Variants in SGSM1 observed in about 807,000 individuals in gnomAD.
SGSM1 encodes small G protein signaling modulator 1.
Under a neutral mutation model 133.8 loss-of-function variants are expected in SGSM1, and 73 were observed. That is an observed-to-expected ratio of 0.55 (90% CI 0.45 to 0.66). The LOEUF is 0.66. SGSM1 is among the 30% of genes least tolerant of loss of function. The pLI is 0.00. For missense variants in SGSM1, 1,213 were observed against 1,448.1 expected (o/e 0.84, Z 2.64); for synonymous variants, 563 against 573.0 (o/e 0.98, Z 0.25).
intron 5 of SGSM1, among the ~76,000 whole-genome samples, chr22:24,851,264 CCTGCTG>C (rs934155170): frequency 6.6e-6 from 1 of 151,990 alleles, no homozygotes; most frequent in Non-Finnish European, 1.5e-5. Context: ...TAAATGAGGA[CCTGCTG>C]TGTACTGGCA....
chr22:24,850,457 G>A (rs778289766), intron 5 of SGSM1, 25 bp downstream of exon 5: 2 of 1,610,484 alleles, frequency 1.2e-6, no homozygotes, highest in Admixed American at 1.7e-5. Context: ...CCTGACACCT[G>A]GCCATGCTCT....
intron 2 of SGSM1, among the ~76,000 whole-genome samples, chr22:24,834,157 A>G (rs1292051270): frequency 6.6e-6 from 1 of 152,256 alleles, no homozygotes; most frequent in Non-Finnish European, 1.5e-5. Flanking sequence ...CAGGATGGCT[A>G]CAACCTTAAG....
At chr22:24,837,597 C>T (rs1432895180) in intron 2 of SGSM1, among the ~76,000 whole-genome samples, 4 of 105,366 alleles carry the variant, frequency 3.8e-5, no homozygotes, top group African/African-American at 1.1e-4. Context: ...CCCCCTTTCC[C>T]AGTCTGCTAA....
chr22:24,852,809 G>T (rs533848317), intron 5 of SGSM1, among the ~76,000 whole-genome samples: 2 of 152,194 alleles, frequency 1.3e-5, no homozygotes, highest in East Asian at 1.9e-4. Flanking sequence ...GTTTTTGATC[G>T]TATAATTCTG....
At chr22:24,851,100 CAAAA>C (rs68153757) in intron 5 of SGSM1, among the ~76,000 whole-genome samples, 5 of 95,806 alleles carry the variant, frequency 5.2e-5, no homozygotes, top group East Asian at 6.0e-4. Context: ...GACTCCATCT[CAAAA>C]AAAAAAAAAA....
intron 20 of SGSM1, among the ~76,000 whole-genome samples, chr22:24,902,201 C>T (rs1395141906): frequency 2.6e-5 from 4 of 152,180 alleles, no homozygotes. Flanking sequence ...CTCAACCCGA[C>T]GAGGTATTAA....
chr22:24,883,200 G>A (rs374373641), intron 14 of SGSM1, among the ~76,000 whole-genome samples: 3 of 152,106 alleles, frequency 2.0e-5, no homozygotes, highest in African/African-American at 4.8e-5. Context: ...CACCGCGCAC[G>A]GCCACCACGG....
chr22:24,912,367 T>A (rs1211643520), intron 21 of SGSM1, among the ~76,000 whole-genome samples: 2 of 152,170 alleles, frequency 1.3e-5, no homozygotes, highest in East Asian at 3.9e-4. Context: ...TTTCTGTAAA[T>A]CAAAACTTTT....
chr22:24,902,532 A>G (rs1933204540), intron 20 of SGSM1, among the ~76,000 whole-genome samples: 1 of 152,008 alleles, frequency 6.6e-6, no homozygotes, highest in African/African-American at 2.4e-5. Flanking sequence ...TTTTTAACTC[A>G]ACATTTAGCT....
chr22:24,922,419 A>G (rs2123754430), intron 24 of SGSM1, among the ~76,000 whole-genome samples: 1 of 148,852 alleles, frequency 6.7e-6, no homozygotes, highest in Non-Finnish European at 1.5e-5. Context: ...TGACCTCGTG[A>G]TCCGCCCACC....
chr22:24,819,496 A>G (rs1928342631), intron 2 of SGSM1, among the ~76,000 whole-genome samples: 1 of 152,210 alleles, frequency 6.6e-6, no homozygotes, highest in Non-Finnish European at 1.5e-5. Flanking sequence ...ATCAGAGGGA[A>G]CAGATGAGGA....
At chr22:24,808,459 C>A (rs1048486111) in intron 2 of SGSM1, among the ~76,000 whole-genome samples, 1 of 152,196 alleles carries the variant, frequency 6.6e-6, no homozygotes, top group Non-Finnish European at 1.5e-5. Context: ...ACATCCTTGT[C>A]ACTTTCAGTG....
chr22:24,828,886 A>T (rs1321995302), intron 2 of SGSM1, among the ~76,000 whole-genome samples: 1 of 152,176 alleles, frequency 6.6e-6, no homozygotes, highest in Non-Finnish European at 1.5e-5. Context: ...ATAGAATATT[A>T]TGCAGCCACA....
intron 21 of SGSM1, among the ~76,000 whole-genome samples, chr22:24,908,936 A>G (rs1933514977): frequency 6.6e-6 from 1 of 150,478 alleles, no homozygotes; most frequent in South Asian, 2.1e-4. Context: ...GATGCTCTAC[A>G]TCGGGGCCCC....
chr22:24,898,247 A>G lies in SGSM1; in HGVS notation c.2298A>G (p.Thr766=), dbSNP rs780322786. 3 of 1,613,754 alleles carry G rather than the reference A, an allele frequency of 1.9e-6. No individual in the cohort carries two copies. Among genetic ancestry groups the G allele is most frequent in the Admixed American group, 3.3e-5 (2 of 60,012 alleles). Residue 766 remains threonine, a synonymous_variant, in exon 19 of 25, where the codon ACA becomes ACG. Coordinates refer to ENST00000400358, the MANE Select transcript of SGSM1 (RefSeq NM_001098497.3). The part of the protein sequence containing the change: ...VDDRQSSEAT[T]SQDEAPREEL... The stretch of plus-strand genomic sequence containing the variant: ...ACAGGCAGAGCAGCGAGGCCACCAC[A>G]TCTCAGGATGAGGCTCCCCGGGAGG...
chr22:24,854,768 A>G (rs910697198), intron 5 of SGSM1, among the ~76,000 whole-genome samples: 1 of 152,188 alleles, frequency 6.6e-6, no homozygotes, highest in African/African-American at 2.4e-5. Flanking sequence ...GTGCGCTTTG[A>G]TTGTACCACT....
At chr22:24,871,507 C>T (rs1184486679) in intron 12 of SGSM1, among the ~76,000 whole-genome samples, 1 of 152,164 alleles carries the variant, frequency 6.6e-6, no homozygotes, top group African/African-American at 2.4e-5. Context: ...CCACTTCTGT[C>T]TGCTGTCCCA....
At chr22:24,840,154 C>T (rs1195778952) in intron 2 of SGSM1, among the ~76,000 whole-genome samples, 2 of 151,954 alleles carry the variant, frequency 1.3e-5, no homozygotes, top group African/African-American at 4.8e-5. Context: ...CTGTGTTAGC[C>T]AGGATGGTCT....
chr22:24,837,448 C>T (rs557430346), intron 2 of SGSM1, among the ~76,000 whole-genome samples: 222 of 152,300 alleles, frequency 1.5e-3, no homozygotes, highest in Non-Finnish European at 2.4e-3. Flanking sequence ...AGGAGTGTGA[C>T]CACTGAAGCA....
Sources: allele counts gnomAD v4.1 joint callset (sites outside exome capture counted in the v4.1 genomes callset), GRCh38; gene constraint gnomAD v4.1.1; transcripts MANE v1.5; gene names NCBI Gene and HGNC (gene_info 2026-07-23, HGNC 2026-07-21).